PRDM12: variants seen among roughly 807,000 people sequenced by gnomAD.
PRDM12 encodes the protein PR/SET domain 12.
PRDM12 carries 17 observed loss-of-function variants against 29.6 expected under a neutral mutation model. The ratio of observed to expected loss-of-function variants is 0.57; its 90% CI spans 0.39 to 0.86. The LOEUF is 0.86. Ranked by LOEUF, PRDM12 falls within the 40% of genes least tolerant of loss-of-function variation. PRDM12 has a pLI of 0.00. For synonymous variants in PRDM12, 231 were observed against 225.8 expected (o/e 1.02, Z -0.21); for missense variants, 422 against 510.8 (o/e 0.83, Z 1.68).
chr9:130,681,548 C>G lies in PRDM12; in HGVS notation c.983C>G (p.Thr328Ser). 7.9e-7 allele frequency: 1 copy of G among 1,266,442 alleles called. No homozygotes were observed. The highest frequency in any genetic ancestry group is 1.0e-6 in the Non-Finnish European group (1 of 1,003,804). The allele number at this position is 1,266,442 out of a possible 1,614,324, so 78.5% of individuals were successfully genotyped here. A position where few individuals can be genotyped will look rare whatever the true frequency, so the allele number is the denominator to read the frequency against. Reference protein sequence around the residue: ...QKSARHRPPSTALQAHSPALP... With the variant: ...QKSARHRPPSSALQAHSPALP... Reference sequence around the variant, plus strand: ...AGCGCGCGGCACCGGCCGCCCAGCACCGCGCTGCAGGCACACTCGCCCGCG... The same window carrying G: ...AGCGCGCGGCACCGGCCGCCCAGCAGCGCGCTGCAGGCACACTCGCCCGCG... Residue 328 changes from threonine (T) to serine (S), a missense_variant, in exon 5 of 5, where the codon ACC (threonine) becomes AGC (serine). Thr to Ser is a moderately conservative substitution (Grantham distance 58, BLOSUM62 1). Coordinates refer to ENST00000253008, the MANE Select transcript of PRDM12 (RefSeq NM_021619.3). This position sits in a 1 kb window ranked among gnomAD's most constrained non-coding sequence, Gnocchi z 8.1.
At chr9:130,678,151 C>T (rs1186689264) in intron 3 of PRDM12, among the ~76,000 whole-genome samples, 1 of 152,018 alleles carries the variant, frequency 6.6e-6, no homozygotes, top group African/African-American at 2.4e-5. Flanking sequence ...ACATCTGGCT[C>T]AGCCCTGCAG....
Position 130,681,640 on chromosome 9 carries a change from G to GCCA in PRDM12, c.1076_1077insCAC (p.Ala359_His360insThr). On this transcript the variant is annotated inframe_insertion, in exon 5 of 5. Transcript: ENST00000253008. The surrounding 1 kb of genome is among the most constrained non-coding windows in gnomAD (Gnocchi z 8.1). ...CGCCGCCGCCGCCGCCGCCGCCGCCGCGCACCACCTGCCGGCCATGGTGCT... is the reference window on the plus strand; with the variant it reads ...CGCCGCCGCCGCCGCCGCCGCCGCCGCCACGCACCACCTGCCGGCCATGGTGCT... 3 of 977,704 alleles carry GCCA rather than the reference G, an allele frequency of 3.1e-6. No individual in the cohort carries two copies. Among genetic ancestry groups the GCCA allele is most frequent in the Non-Finnish European group, 3.6e-6 (3 of 826,126 alleles). The allele number at this position is 977,704 out of a possible 1,614,324, so 60.6% of individuals were successfully genotyped here.
intron 3 of PRDM12, among the ~76,000 whole-genome samples, chr9:130,669,999 G>A (rs1305739643): frequency 1.3e-5 from 2 of 152,106 alleles, no homozygotes; most frequent in Admixed American, 6.5e-5. Flanking sequence ...GGCTGAGGGT[G>A]CAAACCAAGC....
chr9:130,664,632 G>T lies in PRDM12; in HGVS notation c.-22G>T. On this transcript the variant is annotated 5_prime_UTR_variant, in exon 1 of 5. Coordinates refer to ENST00000253008, the MANE Select transcript of PRDM12 (RefSeq NM_021619.3). This position sits in a 1 kb window ranked among gnomAD's most constrained non-coding sequence, Gnocchi z 6.4. ...CCCGTCGGCCCGGCCGTCCCCCGGC[G>T]CCGGGGAGCTCCGGGCCGCCCATGA... 9.5e-6 allele frequency: 14 copies of T among 1,467,170 alleles called. No homozygotes were observed. The highest frequency in any genetic ancestry group is 1.3e-5 in the Non-Finnish European group (14 of 1,104,532). 90.9% of individuals were successfully genotyped at this position (1,467,170 alleles called of 1,614,324 possible). A position where few individuals can be genotyped will look rare whatever the true frequency, so the allele number is the denominator to read the frequency against.
chr9:130,668,323 T>C lies in PRDM12; in HGVS notation c.570+10T>C. 7 of 1,613,706 alleles carry C rather than the reference T, an allele frequency of 4.3e-6. No individual in the cohort carries two copies. The highest frequency in any genetic ancestry group is 5.9e-6 in the Non-Finnish European group (7 of 1,179,846). On this transcript the variant is annotated intron_variant, in intron 3 of 4. Transcript: ENST00000253008. This position sits in a 1 kb window ranked among gnomAD's most constrained non-coding sequence, Gnocchi z 4.0. The stretch of plus-strand genomic sequence containing the variant: ...CTACAAGGCCATTGAGGTGTGTGTG[T>C]GTGTGTGCACTGTTGTGTAGGGACC...
chr9:130,672,926 C>T (rs1463586840), intron 3 of PRDM12, among the ~76,000 whole-genome samples: 1 of 152,172 alleles, frequency 6.6e-6, no homozygotes, highest in East Asian at 1.9e-4. Flanking sequence ...TGGGGAAGGA[C>T]AGATCTTCTG....
At chr9:130,674,346 A>C (rs1830816319) in intron 3 of PRDM12, among the ~76,000 whole-genome samples, 1 of 150,974 alleles carries the variant, frequency 6.6e-6, no homozygotes, top group Non-Finnish European at 1.5e-5. Context: ...ACAGGGTTTC[A>C]CCATGTTGGC....
rs1026570782 is a variant in PRDM12, at chr9:130,664,968, G to T, written c.223+92G>T. On this transcript the variant is annotated intron_variant, in intron 1 of 4. Coordinates refer to ENST00000253008, the MANE Select transcript of PRDM12 (RefSeq NM_021619.3). The surrounding 1 kb of genome is among the most constrained non-coding windows in gnomAD (Gnocchi z 6.4). Reference sequence around the variant, plus strand: ...TGCGCGAGACGCGGCTGGGATACCCGGCCTCGCTGCTACTCGCGCCAACCT... The same window carrying T: ...TGCGCGAGACGCGGCTGGGATACCCTGCCTCGCTGCTACTCGCGCCAACCT... 1.5e-6 allele frequency: 2 copies of T among 1,294,390 alleles called. No individual in the cohort carries two copies. Among genetic ancestry groups the T allele is most frequent in the African/African-American group, 3.0e-5 (2 of 66,856 alleles). The allele number at this position is 1,294,390 out of a possible 1,614,324, so 80.2% of individuals were successfully genotyped here.
In PRDM12 at chr9:130,681,513, C is replaced by T; in HGVS notation, c.948C>T (p.Ala316=). ...SAYSQLAGLR[A]HQKSARHRPP... is the part of the protein sequence containing the mutation. ...ACTCGCAGCTGGCCGGCCTGCGCGC[C>T]CACCAGAAGAGCGCGCGGCACCGGC... The change falls in exon 5 of 5, where the codon GCC becomes GCT. Residue 316 remains alanine, a synonymous_variant. Coordinates refer to ENST00000253008, the MANE Select transcript of PRDM12 (RefSeq NM_021619.3). The surrounding 1 kb of genome is among the most constrained non-coding windows in gnomAD (Gnocchi z 8.1). 1 of 1,426,944 alleles carries T rather than the reference C, an allele frequency of 7.0e-7. No homozygotes were observed. Among genetic ancestry groups the T allele is most frequent in the Non-Finnish European group, 9.2e-7 (1 of 1,083,982 alleles). 88.4% of individuals were successfully genotyped at this position (1,426,944 alleles called of 1,614,324 possible).
Position 130,672,936 on chromosome 9 carries a change from G to A in PRDM12, c.570+4623G>A, listed in dbSNP as rs552494828. ...GAAAGTGGGGAAGGACAGATCTTCTGGGCTGATAGGGCCCAGAGAAGCACG... is the reference window on the plus strand; with the variant it reads ...GAAAGTGGGGAAGGACAGATCTTCTAGGCTGATAGGGCCCAGAGAAGCACG... On this transcript the variant is annotated intron_variant, in intron 3 of 4. Transcript: ENST00000253008. 4.1e-4 allele frequency among the ~76,000 whole-genome samples: 63 copies of A among 152,178 alleles called. 2 individuals carry two copies. Among genetic ancestry groups the A allele is most frequent in the Middle Eastern group, 3.2e-3 (1 of 316 alleles).
intron 3 of PRDM12, among the ~76,000 whole-genome samples, chr9:130,669,844 C>T (rs949702529): frequency 2.4e-4 from 36 of 148,526 alleles, no homozygotes; most frequent in African/African-American, 7.0e-4. Context: ...AAAAGGTAAC[C>T]GGTAAATATC....
chr9:130,681,641 C>CCGG lies in PRDM12; in HGVS notation c.1076_1077insCGG (p.Ala359_His360insGly). The CCGG allele has an allele frequency of 1.0e-6, 1 of 978,856 alleles. No individual in the cohort carries two copies. Among genetic ancestry groups the CCGG allele is most frequent in the South Asian group, 4.6e-5 (1 of 21,964 alleles). 60.6% of individuals were successfully genotyped at this position (978,856 alleles called of 1,614,324 possible). ...GCCGCCGCCGCCGCCGCCGCCGCCG[C>CCGG]GCACCACCTGCCGGCCATGGTGCTG... On this transcript the variant is annotated inframe_insertion, in exon 5 of 5. Coordinates refer to ENST00000253008, the MANE Select transcript of PRDM12 (RefSeq NM_021619.3). The surrounding 1 kb of genome is among the most constrained non-coding windows in gnomAD (Gnocchi z 8.1).
intron 1 of PRDM12, among the ~76,000 whole-genome samples, chr9:130,665,788 C>T (rs1166213328): frequency 6.6e-6 from 1 of 152,206 alleles, no homozygotes; most frequent in African/African-American, 2.4e-5. Context: ...CCGGCCCGCT[C>T]GCCGGGTATT....
At position 130,681,756 on chromosome 9, in the gene PRDM12, C is replaced by G; in HGVS notation, c.*87C>G. On this transcript the variant is annotated 3_prime_UTR_variant, in exon 5 of 5. Transcript: ENST00000253008. The surrounding 1 kb of genome is among the most constrained non-coding windows in gnomAD (Gnocchi z 8.1). Reference sequence around the variant, plus strand: ...GCGCGACTCGCCCTCCAGCCCCAACCCCCGGCCCGGCGCCGCCGCGGAGCC... The same window carrying G: ...GCGCGACTCGCCCTCCAGCCCCAACGCCCGGCCCGGCGCCGCCGCGGAGCC... The G allele has an allele frequency of 2.1e-6, 2 of 963,298 alleles. No individual in the cohort carries two copies. Among genetic ancestry groups the G allele is most frequent in the Non-Finnish European group, 2.5e-6 (2 of 810,248 alleles). The allele number at this position is 963,298 out of a possible 1,614,324, so 59.7% of individuals were successfully genotyped here. A position where few individuals can be genotyped will look rare whatever the true frequency, so the allele number is the denominator to read the frequency against.
At chr9:130,669,116 A>G (rs1021822768) in intron 3 of PRDM12, among the ~76,000 whole-genome samples, 3 of 152,084 alleles carry the variant, frequency 2.0e-5, no homozygotes, top group Non-Finnish European at 4.4e-5. Flanking sequence ...TCACAAGGTC[A>G]GGAGATCGAG....
intron 4 of PRDM12, among the ~76,000 whole-genome samples, chr9:130,680,691 T>G (rs1830892071): frequency 7.0e-6 from 1 of 143,030 alleles, no homozygotes; most frequent in Non-Finnish European, 1.5e-5. Flanking sequence ...CCTTACCATG[T>G]TAGTATTATC....
chr9:130,671,360 A>AACAAC (rs1830787185), intron 3 of PRDM12, among the ~76,000 whole-genome samples: 3 of 142,568 alleles, frequency 2.1e-5, no homozygotes, highest in African/African-American at 5.3e-5. Flanking sequence ...ACAACAACAA[A>AACAAC]AAAAGAGGAT....
In PRDM12 at chr9:130,680,632, AAAATATATATATAT is replaced by A. The variant is rs1175549451; in HGVS notation, c.683-614_683-601del. Among the ~76,000 whole-genome samples, 4 of 77,368 alleles carry A rather than the reference AAAATATATATATAT, an allele frequency of 5.2e-5. 2 individuals are homozygous for A. Among genetic ancestry groups the A allele is most frequent in the Admixed American group, 2.8e-4 (2 of 7,072 alleles). The allele number at this position is 77,368 out of a possible 152,430, so 50.8% of individuals were successfully genotyped here. ...AGAGGGAGACTCCGTCTAAAAAAAAAAAATATATATATATATATATATATATATTTTTTTTTTTT... is the reference window on the plus strand; with the variant it reads ...AGAGGGAGACTCCGTCTAAAAAAAAAATATATATATATATTTTTTTTTTTT... On this transcript the variant is annotated intron_variant, in intron 4 of 4. Transcript: ENST00000253008.
intron 2 of PRDM12, 46 bp downstream of exon 2, chr9:130,666,844 G>A: frequency 1.3e-6 from 2 of 1,544,304 alleles, no homozygotes; most frequent in Non-Finnish European, 1.8e-6. Context: ...GGCGAGGGGC[G>A]CTGGTCGCGG....
Sources: allele counts gnomAD v4.1 joint callset (sites outside exome capture counted in the v4.1 genomes callset), GRCh38; gene constraint gnomAD v4.1.1; non-coding constraint Gnocchi (gnomAD v3.1); transcripts MANE v1.5; gene names NCBI Gene and HGNC (gene_info 2026-07-23, HGNC 2026-07-21).